Variants in BRDT observed in about 807,000 individuals in gnomAD.
BRDT encodes bromodomain testis associated.
A neutral mutation model predicts 113.9 loss-of-function variants in BRDT; 77 were observed. The ratio of observed to expected loss-of-function variants is 0.68; its 90% CI spans 0.56 to 0.82. BRDT has a LOEUF of 0.82. BRDT is among the 40% of genes least tolerant of loss of function. The probability of loss-of-function intolerance (pLI) is 0.00; values close to 1 mark genes in which losing one functional copy is unlikely to be tolerated. For missense variants in BRDT, 1,027 were observed against 1,105.4 expected (o/e 0.93, Z 1.01); for synonymous variants, 358 against 366.5 (o/e 0.98, Z 0.26).
rs200502585 is a variant in BRDT at position 91,976,419 on chromosome 1, G to T, written c.599G>T (p.Ser200Ile). The T allele has an allele frequency of 2.2e-5, 35 of 1,571,726 alleles. No individual in the cohort carries two copies. The highest frequency in any genetic ancestry group is 2.8e-5 in the Non-Finnish European group (32 of 1,163,596). ...GTACAGGGAGCTTCAGTCAACTCCA[G>T]TTCACAAACTGCGGCCCAAGTAAGT... ...NVVQGASVNS[S>I]SQTAAQVTKG... Residue 200 changes from serine (S) to isoleucine (I), a missense_variant, in exon 5 of 19, where the codon AGT (serine) becomes ATT (isoleucine). Transcript: ENST00000399546.
chr1:91,994,044 G>A lies in BRDT; in HGVS notation c.2116-39G>A, dbSNP rs373232372. On this transcript the variant is annotated intron_variant, in intron 14 of 18. Transcript: ENST00000399546. ...GTTCTCTTTGGTATACTTCTTGTATGGTTAAAACTAAGTGATAACTTTGAT... is the reference window on the plus strand; with the variant it reads ...GTTCTCTTTGGTATACTTCTTGTATAGTTAAAACTAAGTGATAACTTTGAT... 87 of 1,529,010 alleles carry A rather than the reference G, an allele frequency of 5.7e-5. No individual in the cohort carries two copies. The African/African-American group carries it at 9.6e-4, about 17-fold the overall frequency. The allele number at this position is 1,529,010 out of a possible 1,614,324, so 94.7% of individuals were successfully genotyped here.
chr1:91,968,694 A>G (rs978467255), intron 4 of BRDT, among the ~76,000 whole-genome samples: 3 of 152,178 alleles, frequency 2.0e-5, no homozygotes, highest in Middle Eastern at 3.2e-3. Context: ...TTCTTCACTC[A>G]CAAAAATCTT....
In BRDT at chr1:91,964,179, A is replaced by G. The variant is rs1240673684; in HGVS notation, c.193-448A>G. 5.9e-5 allele frequency among the ~76,000 whole-genome samples: 9 copies of G among 152,008 alleles called. No homozygotes were observed. In the South Asian group the frequency reaches 8.3e-4, roughly 14 times the overall value. ...AGGTTTGAGTGATTCTCCTGCCTCA[A>G]ACTCCTGAGTAGCTGGGATTACAGG... On this transcript the variant is annotated intron_variant, in intron 2 of 18. Transcript: ENST00000399546.
chr1:91,992,367 G>C, intron 14 of BRDT, 53 bp downstream of exon 14: 1 of 869,864 alleles, frequency 1.1e-6, no homozygotes, highest in South Asian at 1.8e-5. Flanking sequence ...TTTACATATA[G>C]ATTAGGGGCT....
chr1:91,989,566 G>GAAC (rs1557847656), intron 12 of BRDT, among the ~76,000 whole-genome samples: 1 of 151,810 alleles, frequency 6.6e-6, no homozygotes. Flanking sequence ...TCAACTTGTT[G>GAAC]GCCAGGCTGG....
intron 15 of BRDT, among the ~76,000 whole-genome samples, chr1:91,997,139 CA>C (rs2101771309): frequency 6.6e-6 from 1 of 151,752 alleles, no homozygotes; most frequent in African/African-American, 2.4e-5. Context: ...AGAAGGAAAT[CA>C]AAAGTATCAC....
chr1:91,981,869 TC>T, intron 12 of BRDT, 114 bp downstream of exon 12: 1 of 1,306,168 alleles, frequency 7.7e-7, no homozygotes, highest in Non-Finnish European at 1.0e-6. Flanking sequence ...GGTTTGTATA[TC>T]ATGCTAATTA....
chr1:91,949,371 T>C (rs1017452784), upstream of BRDT: 21 of 152,222 alleles, frequency 1.4e-4, no homozygotes, highest in African/African-American at 5.1e-4. Context: ...GGGGGTCTTC[T>C]ATAAAAGCGC....
At chr1:91,974,577 A>G (rs1473990452) in intron 4 of BRDT, among the ~76,000 whole-genome samples, 1 of 152,244 alleles carries the variant, frequency 6.6e-6, no homozygotes, top group Non-Finnish European at 1.5e-5. Context: ...CAAAACCACA[A>G]TGAGATATCA....
Position 91,994,164 on chromosome 1 carries a change from A to G in BRDT, c.2197A>G (p.Asn733Asp). ...CACACCTTCACATGTAATGCCACCA[A>G]ATCACCACCAATTAGCATTTAATTA... is the stretch of plus-strand genomic sequence containing the variant. ...QTTPSHVMPP[N>D]HHQLAFNYQE... Residue 733 changes from asparagine to aspartate, a missense_variant, in exon 15 of 19, where the codon AAT (asparagine) becomes GAT (aspartate). Transcript: ENST00000399546. The G allele has an allele frequency of 6.2e-7, 1 of 1,613,388 alleles. No individual in the cohort carries two copies. Among genetic ancestry groups the G allele is most frequent in the South Asian group, 1.1e-5 (1 of 91,042 alleles).
intron 7 of BRDT, among the ~76,000 whole-genome samples, chr1:91,978,863 A>G (rs1684408686): frequency 6.6e-6 from 1 of 151,762 alleles, no homozygotes; most frequent in African/African-American, 2.4e-5. Flanking sequence ...TTAGCCAGGC[A>G]TGGTGGCGCC....
intron 1 of BRDT, 39 bp from the exon 2 acceptor site, chr1:91,962,679 C>G: frequency 7.9e-7 from 1 of 1,260,084 alleles, no homozygotes; most frequent in South Asian, 1.7e-5. Flanking sequence ...GGAAACCATT[C>G]CTAAAGTGCT....
chr1:91,969,632 T>G (rs977409626), intron 4 of BRDT, among the ~76,000 whole-genome samples: 2 of 152,086 alleles, frequency 1.3e-5, no homozygotes, highest in Non-Finnish European at 2.9e-5. Flanking sequence ...CTGACTTAAT[T>G]TATTACCCTT....
intron 12 of BRDT, among the ~76,000 whole-genome samples, chr1:91,987,326 G>A (rs1557844937): frequency 6.6e-6 from 1 of 151,754 alleles, no homozygotes; most frequent in Non-Finnish European, 1.5e-5. Flanking sequence ...ATCATATTCT[G>A]TTTTTTTGTT....
At chr1:92,007,463 C>A (rs904986718) in intron 18 of BRDT, among the ~76,000 whole-genome samples, 2 of 152,140 alleles carry the variant, frequency 1.3e-5, no homozygotes, top group African/African-American at 4.8e-5. Flanking sequence ...CATTCAGCTC[C>A]CACTTATAGG....
chr1:91,961,438 G>A (rs188380187), intron 1 of BRDT, among the ~76,000 whole-genome samples: 6 of 152,002 alleles, frequency 3.9e-5, no homozygotes, highest in Non-Finnish European at 7.4e-5. Flanking sequence ...GAGACCAGCC[G>A]GGCCAACATG....
chr1:91,994,285 T>C (rs1557854013), intron 15 of BRDT, 31 bp downstream of exon 15: 7 of 1,532,412 alleles, frequency 4.6e-6, no homozygotes, highest in Non-Finnish European at 6.2e-6. Context: ...CAACTGTTAT[T>C]GAGAAATTGA....
intron 8 of BRDT, 34 bp from the exon 9 acceptor site, chr1:91,980,609 C>A: frequency 2.2e-6 from 3 of 1,387,068 alleles, no homozygotes; most frequent in South Asian, 2.1e-5. Context: ...TATTTAGAGA[C>A]ATGAATGTTT....
chr1:92,001,431 C>T (rs935442566), intron 15 of BRDT, among the ~76,000 whole-genome samples: 1 of 152,140 alleles, frequency 6.6e-6, no homozygotes, highest in Non-Finnish European at 1.5e-5. Flanking sequence ...CACAATGGCT[C>T]ATGCCTGTAA....
Sources: allele counts gnomAD v4.1 joint callset (sites outside exome capture counted in the v4.1 genomes callset), GRCh38; gene constraint gnomAD v4.1.1; transcripts MANE v1.5; gene names NCBI Gene and HGNC (gene_info 2026-07-23, HGNC 2026-07-21).